Variants in CCDC138 observed in about 807,000 individuals in gnomAD.
The protein encoded by CCDC138 is coiled-coil domain containing 138.
A neutral mutation model predicts 82.3 loss-of-function variants in CCDC138; 66 were observed. That is an observed-to-expected ratio of 0.80 (90% confidence interval 0.66 to 0.98). The LOEUF (loss-of-function observed/expected upper bound fraction) is 0.98. Ranked by LOEUF, CCDC138 falls within the 50% of genes least tolerant of loss-of-function variation. The pLI, the probability that CCDC138 is intolerant of heterozygous loss-of-function variation, is 0.00. For missense variants in CCDC138, 816 were observed against 758.9 expected (o/e 1.08, Z -0.88); for synonymous variants, 297 against 265.4 (o/e 1.12, Z -1.16).
At chr2:108,797,782 G>C (rs975992931) in intron 5 of CCDC138, among the ~76,000 whole-genome samples, 8 of 152,144 alleles carry the variant, frequency 5.3e-5, no homozygotes, top group African/African-American at 1.2e-4. Context: ...ACAAAGAGTG[G>C]AATATAGGAC....
downstream of CCDC138, among the ~76,000 whole-genome samples, chr2:108,880,958 A>G (rs1431781966): frequency 6.6e-6 from 1 of 152,254 alleles, no homozygotes; most frequent in Non-Finnish European, 1.5e-5. Context: ...GAAGTTCAAA[A>G]TATCAACATT....
At chr2:108,841,887 G>A (rs1007544220) in intron 11 of CCDC138, among the ~76,000 whole-genome samples, 2 of 151,928 alleles carry the variant, frequency 1.3e-5, no homozygotes, top group African/African-American at 2.4e-5. Flanking sequence ...CCTTTATAGT[G>A]TATTGAGTGT....
intron 11 of CCDC138, among the ~76,000 whole-genome samples, chr2:108,842,875 A>G (rs538665704): frequency 2.0e-5 from 3 of 152,312 alleles, no homozygotes; most frequent in South Asian, 2.1e-4. Flanking sequence ...GTCTATTGGT[A>G]TGGTCATTTT....
At chr2:108,786,983 C>CG (rs1678922100) in intron 1 of CCDC138, 68 bp downstream of exon 1, 2 of 1,121,628 alleles carry the variant, frequency 1.8e-6, no homozygotes, top group African/African-American at 3.3e-5. Flanking sequence ...CCGTGCCCCG[C>CG]GCAGCCGGCC....
intron 11 of CCDC138, among the ~76,000 whole-genome samples, chr2:108,845,216 TA>T (rs1227324473): frequency 6.6e-6 from 1 of 152,230 alleles, no homozygotes; most frequent in African/African-American, 2.4e-5. Flanking sequence ...TAAAAACATG[TA>T]TTTTTTTTCT....
At chr2:108,835,343 A>T (rs967237700) in intron 10 of CCDC138, among the ~76,000 whole-genome samples, 1 of 152,194 alleles carries the variant, frequency 6.6e-6, no homozygotes, top group Non-Finnish European at 1.5e-5. Context: ...TATTCATCTC[A>T]GCCGTGAGCT....
At chr2:108,834,731 G>C (rs945567730) in intron 10 of CCDC138, among the ~76,000 whole-genome samples, 1 of 152,124 alleles carries the variant, frequency 6.6e-6, no homozygotes, top group Non-Finnish European at 1.5e-5. Context: ...AAACAATTCT[G>C]TACCCGTTTA....
chr2:108,814,099 A>G (rs538611791), intron 9 of CCDC138, among the ~76,000 whole-genome samples: 1 of 152,314 alleles, frequency 6.6e-6, no homozygotes, highest in South Asian at 2.1e-4. Context: ...TCTTTTGGAT[A>G]TATACCAGGA....
At chr2:108,792,867 A>G (rs1680135894) in intron 4 of CCDC138, among the ~76,000 whole-genome samples, 1 of 151,714 alleles carries the variant, frequency 6.6e-6, no homozygotes, top group African/African-American at 2.4e-5. Context: ...GATCGAGACC[A>G]TCCTGGCTAA....
chr2:108,856,958 A>T lies in CCDC138; in HGVS notation c.1681A>T (p.Thr561Ser). 6.3e-7 allele frequency: 1 copy of T among 1,579,854 alleles called. No individual in the cohort carries two copies. Among genetic ancestry groups the T allele is most frequent in the African/African-American group, 1.4e-5 (1 of 73,188 alleles). Reference protein sequence around the residue: ...SNVIDSLLQMTVESKSLQPFL... With the variant: ...SNVIDSLLQMSVESKSLQPFL... ...TGTTATTGATAGTTTGCTCCAGATG[A>T]CGGTGGAATCTAGTAAGTTTTTAAG... The change falls in exon 13 of 15, where the codon ACG becomes TCG. Residue 561 changes from threonine to serine, a missense_variant. By Grantham distance (58) the Thr-to-Ser change is moderately conservative. Transcript: ENST00000295124.
intron 6 of CCDC138, among the ~76,000 whole-genome samples, chr2:108,800,159 T>G (rs1681656387): frequency 1.3e-5 from 2 of 152,322 alleles, no homozygotes; most frequent in African/African-American, 4.8e-5. Context: ...TAGGGTATAT[T>G]CAAGACCTTC....
rs193251831 is a variant in CCDC138 at position 108,838,758 on chromosome 2, A to G, written c.1207-427A>G. 3.9e-3 allele frequency among the ~76,000 whole-genome samples: 591 copies of G among 152,252 alleles called. 3 individuals carry two copies. The highest frequency in any genetic ancestry group is 7.2e-3 in the Non-Finnish European group (488 of 67,988). ...AAAAATCCTTTCATATATCTTTTTC[A>G]GTATAAATTTATATAGATATAGTTT... On this transcript the variant is annotated intron_variant, in intron 10 of 14. Coordinates refer to ENST00000295124, the MANE Select transcript of CCDC138 (RefSeq NM_144978.3).
intron 10 of CCDC138, among the ~76,000 whole-genome samples, chr2:108,829,991 A>G (rs1268684320): frequency 6.7e-6 from 1 of 149,824 alleles, no homozygotes; most frequent in Non-Finnish European, 1.5e-5. Context: ...GCAAGATTAT[A>G]TATAATAAAA....
At chr2:108,815,791 C>A (rs1684687553) in intron 9 of CCDC138, 150 bp from the exon 10 acceptor site, 1 of 649,796 alleles carries the variant, frequency 1.5e-6, no homozygotes, top group African/African-American at 1.9e-5. Flanking sequence ...ATTTGGAATT[C>A]TTTTGTTTGT....
At chr2:108,870,466 A>C (rs1695059881) in intron 13 of CCDC138, among the ~76,000 whole-genome samples, 1 of 152,212 alleles carries the variant, frequency 6.6e-6, no homozygotes, top group African/African-American at 2.4e-5. Flanking sequence ...CTGAAAACTT[A>C]TCAAATTTGA....
chr2:108,839,492 C>T lies in CCDC138; in HGVS notation c.1323+191C>T, dbSNP rs184014311. 3.9e-5 allele frequency among the ~76,000 whole-genome samples: 6 copies of T among 152,182 alleles called. No homozygotes were observed. The East Asian group carries it at 1.2e-3, about 29-fold the overall frequency. On this transcript the variant is annotated intron_variant, in intron 11 of 14. Coordinates refer to ENST00000295124, the MANE Select transcript of CCDC138 (RefSeq NM_144978.3). ...TAATTTGAGAATAATTGACATCTTT[C>T]CTTTGTTGAGTCTTACAATTTATGA...
At chr2:108,826,451 G>A (rs1261834696) in intron 10 of CCDC138, among the ~76,000 whole-genome samples, 2 of 152,042 alleles carry the variant, frequency 1.3e-5, no homozygotes, top group African/African-American at 4.8e-5. Context: ...TTGGAGGAGT[G>A]TAACCTCATT....
chr2:108,879,514 C>G (rs372175456), downstream of CCDC138, among the ~76,000 whole-genome samples: 5 of 152,216 alleles, frequency 3.3e-5, no homozygotes, highest in East Asian at 7.7e-4. Context: ...GAAATTAATA[C>G]CAACTGCATA....
At chr2:108,794,008 C>G (rs751389933) in intron 4 of CCDC138, among the ~76,000 whole-genome samples, 6 of 152,036 alleles carry the variant, frequency 3.9e-5, no homozygotes, top group African/African-American at 7.2e-5. Context: ...ATGCTGTATA[C>G]AGTGTTTGCA....
Sources: allele counts gnomAD v4.1 joint callset (sites outside exome capture counted in the v4.1 genomes callset), GRCh38; gene constraint gnomAD v4.1.1; transcripts MANE v1.5; gene names NCBI Gene and HGNC (gene_info 2026-07-23, HGNC 2026-07-21).